The following MICAL3 variants were observed in gnomAD, a reference collection of about 807,000 sequenced individuals.
MICAL3 encodes microtubule associated monooxygenase, calponin and LIM domain containing 3.
MICAL3 carries 62 observed loss-of-function variants against 207.4 expected under a neutral mutation model. That is an observed-to-expected ratio of 0.30 (90% confidence interval 0.24 to 0.37). The LOEUF (loss-of-function observed/expected upper bound fraction) is 0.37. MICAL3 is among the 10% of genes least tolerant of loss of function. MICAL3 has a pLI of 1.00. For missense variants in MICAL3, 2,368 were observed against 2,635.6 expected (o/e 0.90, Z 2.22); for synonymous variants, 1,077 against 1,069.3 (o/e 1.01, Z -0.14).
At chr22:17,823,131 C>T (rs540667576) in intron 22 of MICAL3, 71 bp from the exon 23 acceptor site, 70 of 1,034,452 alleles carry the variant, frequency 6.8e-5, no homozygotes, top group South Asian at 4.0e-4. Flanking sequence ...TTCACGGGGG[C>T]GAGAGGTACT....
At chr22:17,831,796 A>G in intron 21 of MICAL3, 58 bp downstream of exon 21, 7 of 1,525,182 alleles carry the variant, frequency 4.6e-6, no homozygotes, top group Non-Finnish European at 5.3e-6. Context: ...ACACTCACGC[A>G]TGAAACAGAT....
intron 1 of MICAL3, among the ~76,000 whole-genome samples, chr22:17,975,571 A>C (rs1935594416): frequency 6.6e-6 from 1 of 152,126 alleles, no homozygotes; most frequent in Non-Finnish European, 1.5e-5. Context: ...CAAAGAAAAA[A>C]ATTCAACGAA....
intron 16 of MICAL3, among the ~76,000 whole-genome samples, chr22:17,877,513 GGGAGGTT>G (rs1928917406): frequency 6.2e-5 from 5 of 80,880 alleles, no homozygotes; most frequent in Admixed American, 4.7e-4. Context: ...ATGGAGGTTA[GGGAGGTT>G]AGGGAGGTGA....
At chr22:17,874,984 G>A (rs1333783109) in intron 16 of MICAL3, among the ~76,000 whole-genome samples, 2 of 152,224 alleles carry the variant, frequency 1.3e-5, no homozygotes, top group East Asian at 1.9e-4. Context: ...CTGGACCAGC[G>A]CTACTTCAGG....
At chr22:17,824,388 T>A (rs1159826275) in intron 22 of MICAL3, among the ~76,000 whole-genome samples, 1 of 152,184 alleles carries the variant, frequency 6.6e-6, no homozygotes, top group Non-Finnish European at 1.5e-5. Flanking sequence ...AAAAGCCATG[T>A]GGAAATGGGA....
At chr22:17,864,166 C>A in intron 19 of MICAL3, 2 of 988,992 alleles carry the variant, frequency 2.0e-6, no homozygotes, top group African/African-American at 1.7e-5. Flanking sequence ...ACAAACCCTG[C>A]GAGTCCTGTC....
intron 7 of MICAL3, among the ~76,000 whole-genome samples, chr22:17,898,271 A>G (rs960981869): frequency 6.6e-6 from 1 of 152,252 alleles, no homozygotes; most frequent in Non-Finnish European, 1.5e-5. Context: ...TCTTACTGAC[A>G]GCAATGTAAC....
intron 1 of MICAL3, among the ~76,000 whole-genome samples, chr22:17,979,719 C>A (rs1266662423): frequency 2.0e-5 from 3 of 151,920 alleles, no homozygotes; most frequent in African/African-American, 7.3e-5. Flanking sequence ...TCAGGCTGAT[C>A]TCTGTCTAAA....
intron 1 of MICAL3, among the ~76,000 whole-genome samples, chr22:17,915,758 C>A (rs1224237134): frequency 6.6e-6 from 1 of 152,022 alleles, no homozygotes; most frequent in African/African-American, 2.4e-5. Context: ...GAGCAGCTTG[C>A]AATCAATGTT....
chr22:17,977,017 A>G lies in MICAL3; in HGVS notation c.-75+47264T>C, dbSNP rs551359181. 3.8e-3 allele frequency among the ~76,000 whole-genome samples: 572 copies of G among 152,184 alleles called. 2 individuals are homozygous for G. The highest frequency in any genetic ancestry group is 0.013 in the African/African-American group (551 of 41,528). ...GAGACGGGGTTTCACCGTGTTAGCC[A>G]GGATGATCTCGATCTGACCTTGTGA... On this transcript the variant is annotated intron_variant, in intron 1 of 31. Transcript: ENST00000441493.
chr22:17,816,686 C>T lies in MICAL3; in HGVS notation c.5445+4G>A. ...CCTGTGAAGCCCCCTGCCTGACTAC[C>T]CACCTCTCGCCGGGACTTCTGTGAG... On this transcript the variant is annotated splice_donor_region_variant and intron_variant, in intron 27 of 31. Coordinates refer to ENST00000441493, the MANE Select transcript of MICAL3 (RefSeq NM_015241.3). 2 of 1,551,284 alleles carry T rather than the reference C, an allele frequency of 1.3e-6. No homozygotes were observed. The highest frequency in any genetic ancestry group is 8.7e-7 in the Non-Finnish European group (1 of 1,146,630).
chr22:17,820,974 T>TTTAATAAATTTATGTC (rs1921568054), intron 25 of MICAL3, among the ~76,000 whole-genome samples: 1 of 145,880 alleles, frequency 6.9e-6, no homozygotes, highest in Admixed American at 6.8e-5. Context: ...AAATTTATAT[T>TTTAATAAATTTATGTC]TATAAACATA....
intron 1 of MICAL3, among the ~76,000 whole-genome samples, chr22:17,938,941 T>C (rs576214909): frequency 2.0e-4 from 30 of 152,044 alleles, no homozygotes; most frequent in Non-Finnish European, 3.7e-4. Flanking sequence ...TAAAGGGGTG[T>C]TGTGGTTGGA....
chr22:18,023,390 A>C (rs554038294), intron 1 of MICAL3, among the ~76,000 whole-genome samples: 1 of 152,300 alleles, frequency 6.6e-6, no homozygotes, highest in African/African-American at 2.4e-5. Flanking sequence ...CACAGGGCCC[A>C]GCCTTTCAGC....
At chr22:17,914,219 C>T (rs1415619256) in intron 1 of MICAL3, among the ~76,000 whole-genome samples, 2 of 152,156 alleles carry the variant, frequency 1.3e-5, no homozygotes, top group Non-Finnish European at 2.9e-5. Flanking sequence ...TCCATTATCA[C>T]TCTTCCCCTC....
intron 1 of MICAL3, among the ~76,000 whole-genome samples, chr22:17,909,838 A>G (rs969881206): frequency 6.6e-6 from 1 of 152,208 alleles, no homozygotes; most frequent in African/African-American, 2.4e-5. Context: ...CCATGACTAG[A>G]AACAAAGGTC....
chr22:17,902,777 G>T lies in MICAL3; in HGVS notation c.473-30C>A. On this transcript the variant is annotated intron_variant, in intron 3 of 31. Coordinates refer to ENST00000441493, the MANE Select transcript of MICAL3 (RefSeq NM_015241.3). This position sits in a 1 kb window ranked among gnomAD's most constrained non-coding sequence, Gnocchi z 4.5. ...GAGAATACAGAGATGACGTTGATGG[G>T]AACACATGGAGAAGGGGGTACCCAT... 7.2e-7 allele frequency: 1 copy of T among 1,380,520 alleles called. No homozygotes were observed. The highest frequency in any genetic ancestry group is 1.0e-6 in the Non-Finnish European group (1 of 987,314). 85.5% of individuals were successfully genotyped at this position (1,380,520 alleles called of 1,614,324 possible). A position where few individuals can be genotyped will look rare whatever the true frequency, so the allele number is the denominator to read the frequency against.
At chr22:17,845,377 C>T (rs543854458) in intron 19 of MICAL3, among the ~76,000 whole-genome samples, 2 of 152,082 alleles carry the variant, frequency 1.3e-5, no homozygotes, top group African/African-American at 2.4e-5. Context: ...ACTAGGACCA[C>T]GGGAAACAAA....
intron 19 of MICAL3, chr22:17,862,931 C>G: frequency 4.1e-6 from 4 of 985,392 alleles, no homozygotes; most frequent in Non-Finnish European, 4.8e-6. Context: ...AACTCCCGTG[C>G]TATACCAAGT....
Sources: gnomAD v4.1 joint callset for allele counts (sites outside exome capture counted in the v4.1 genomes callset) on GRCh38, gnomAD v4.1.1 for gene constraint, Gnocchi (gnomAD v3.1) non-coding constraint, MANE v1.5 for transcripts, NCBI Gene and HGNC (gene_info 2026-07-23, HGNC 2026-07-21) for gene names.